Variants in PIP5KL1 observed in about 807,000 individuals in gnomAD.
PIP5KL1 encodes the protein phosphatidylinositol 4-phosphate 5-kinase-like protein 1.
A neutral mutation model predicts 47.6 loss-of-function variants in PIP5KL1; 45 were observed. That is an observed-to-expected ratio of 0.94 (90% confidence interval 0.74 to 1.21). The LOEUF (loss-of-function observed/expected upper bound fraction) is 1.21, where lower values mean the gene tolerates loss of function less well. Among genes scored for constraint, PIP5KL1 ranks in the 50% most tolerant of loss-of-function variants. PIP5KL1 has a pLI of 0.00. For missense variants in PIP5KL1, 577 were observed against 547.6 expected, an observed-to-expected ratio of 1.05 and a Z score of -0.54; for synonymous variants, 256 against 234.6, an observed-to-expected ratio of 1.09 and a Z score of -0.84.
Position 127,922,108 on chromosome 9 carries a change from C to T in PIP5KL1, c.924G>A (p.Val308=). ...SSLIFRTARS[V]QGAQSPEESR... ...ACTCTTCCGGGCTCTGTGCCCCTTGCACAGACCTGGGGGCCGACAGGAGGG... is the reference window on the plus strand; with the variant it reads ...ACTCTTCCGGGCTCTGTGCCCCTTGTACAGACCTGGGGGCCGACAGGAGGG... The change falls in exon 10 of 10, where the codon GTG becomes GTA. Residue 308 remains valine, a synonymous_variant. Transcript: ENST00000388747. 1 of 1,522,534 alleles carries T rather than the reference C, an allele frequency of 6.6e-7. No homozygotes were observed. The highest frequency in any genetic ancestry group is 8.8e-7 in the Non-Finnish European group (1 of 1,133,766). 94.3% of individuals were successfully genotyped at this position (1,522,534 alleles called of 1,614,324 possible).
At position 127,927,799 on chromosome 9, in the gene PIP5KL1, G is replaced by A; in HGVS notation, c.435-27C>T. The stretch of plus-strand genomic sequence containing the variant: ...TGGGGGGCAAGAGAAAGAGGTCACT[G>A]CCCAGGCCTGGCTGGAGCGGCTCCC... On this transcript the variant is annotated intron_variant, in intron 4 of 9. Coordinates refer to ENST00000388747, the MANE Select transcript of PIP5KL1 (RefSeq NM_001135219.2). The surrounding 1 kb of genome is among the most constrained non-coding windows in gnomAD (Gnocchi z 5.5). 1.9e-6 allele frequency: 3 copies of A among 1,551,250 alleles called. No individual in the cohort carries two copies. The highest frequency in any genetic ancestry group is 1.7e-6 in the Non-Finnish European group (2 of 1,149,578).
chr9:127,922,411 T>A (rs913152441), intron 9 of PIP5KL1, among the ~76,000 whole-genome samples: 1 of 150,664 alleles, frequency 6.6e-6, no homozygotes, highest in Non-Finnish European at 1.5e-5. Flanking sequence ...AAAAAAAGGA[T>A]GTAAGGCTGG....
intron 7 of PIP5KL1, among the ~76,000 whole-genome samples, chr9:127,926,864 G>A (rs1211465720): frequency 6.6e-6 from 1 of 152,234 alleles, no homozygotes. Flanking sequence ...CATGTTAGCT[G>A]TGTGGCCTTC....
intron 7 of PIP5KL1, among the ~76,000 whole-genome samples, chr9:127,926,257 C>A (rs1471073797): frequency 7.1e-6 from 1 of 140,312 alleles, no homozygotes; most frequent in Non-Finnish European, 1.5e-5. Context: ...TGGAGTCTCA[C>A]CTGTTTCTTT....
intron 1 of PIP5KL1, 138 bp downstream of exon 1, chr9:127,930,585 G>A (rs930986683): frequency 2.8e-6 from 3 of 1,089,336 alleles, no homozygotes; most frequent in Non-Finnish European, 2.5e-6. Context: ...CCCCGTGTGG[G>A]GCGTGTCCTG....
Position 127,929,661 on chromosome 9 carries a change from G to A in PIP5KL1, c.228+27C>T. Reference sequence around the variant, plus strand: ...CAAGTCTTGCCATTGCTGGTGTGGAGATTCGTGGGACAGATGGGCCACTCA... The same window carrying A: ...CAAGTCTTGCCATTGCTGGTGTGGAAATTCGTGGGACAGATGGGCCACTCA... On this transcript the variant is annotated intron_variant, in intron 2 of 9. Coordinates refer to ENST00000388747, the MANE Select transcript of PIP5KL1 (RefSeq NM_001135219.2). This position sits in a 1 kb window ranked among gnomAD's most constrained non-coding sequence, Gnocchi z 4.0. The A allele has an allele frequency of 6.6e-7, 1 of 1,521,600 alleles. No individual in the cohort carries two copies. Among genetic ancestry groups the A allele is most frequent in the Non-Finnish European group, 8.9e-7 (1 of 1,124,754 alleles). 94.3% of individuals were successfully genotyped at this position (1,521,600 alleles called of 1,614,324 possible).
chr9:127,929,885 C>T lies in PIP5KL1; in HGVS notation c.31G>A (p.Val11Ile). 3 of 1,525,168 alleles carry T rather than the reference C, an allele frequency of 2.0e-6. No individual in the cohort carries two copies. Among genetic ancestry groups the T allele is most frequent in the South Asian group, 2.4e-5 (2 of 83,352 alleles). 94.5% of individuals were successfully genotyped at this position (1,525,168 alleles called of 1,614,324 possible). The part of the protein sequence containing the change: MAAPSPGPRE[V>I]LAPSPEAGCR... ...CCAGCCTCAGGGGAGGGGGCCAGGA[C>T]CTGGTGGGAGGAGGCACAGGACACA... is the stretch of plus-strand genomic sequence containing the variant. The change falls in exon 2 of 10, where the codon GTC becomes ATC. Residue 11 changes from valine to isoleucine, a missense_variant and splice_region_variant. Coordinates refer to ENST00000388747, the MANE Select transcript of PIP5KL1 (RefSeq NM_001135219.2). The surrounding 1 kb of genome is among the most constrained non-coding windows in gnomAD (Gnocchi z 4.0).
intron 2 of PIP5KL1, 161 bp from the exon 3 acceptor site, chr9:127,928,644 T>G (rs56125253): frequency 0.043 from 31,964 of 741,034 alleles, 900 homozygotes; most frequent in Middle Eastern, 0.07. Context: ...GTTGGGCAGA[T>G]GCATTGCTCA....
rs1831289737 is a variant in PIP5KL1 at position 127,922,027 on chromosome 9, C to T, written c.1005G>A (p.Leu335=). 6.3e-7 allele frequency: 1 copy of T among 1,575,300 alleles called. No individual in the cohort carries two copies. Among genetic ancestry groups the T allele is most frequent in the Non-Finnish European group, 8.6e-7 (1 of 1,161,734 alleles). ...GGAAATAGCGCTGCTCGGGCCCGTC[C>T]AGGATGTGTAGGGCGTTGGGGGCGT... ...LPDAPNALHI[L]DGPEQRYFLG... is the part of the protein sequence containing the mutation. The change falls in exon 10 of 10, where the codon CTG becomes CTA. Residue 335 remains leucine, a synonymous_variant. Transcript: ENST00000388747.
At chr9:127,925,440 C>T (rs1831348402) in intron 8 of PIP5KL1, 180 bp from the exon 9 acceptor site, 3 of 634,904 alleles carry the variant, frequency 4.7e-6, no homozygotes, top group Non-Finnish European at 7.9e-6. Flanking sequence ...TTGAACTCTG[C>T]TCTGCCTGAT....
At chr9:127,924,909 CAT>C (rs1208316809) in intron 9 of PIP5KL1, among the ~76,000 whole-genome samples, 196 bp downstream of exon 9, 1 of 151,910 alleles carries the variant, frequency 6.6e-6, no homozygotes, top group Non-Finnish European at 1.5e-5. Flanking sequence ...CACCCACACA[CAT>C]GCACGCACAC....
Position 127,929,772 on chromosome 9 carries a change from C to A in PIP5KL1, c.144G>T (p.Pro48=), listed in dbSNP as rs770399159. 5 of 1,568,578 alleles carry A rather than the reference C, an allele frequency of 3.2e-6. No individual in the cohort carries two copies. Among genetic ancestry groups the A allele is most frequent in the Non-Finnish European group, 4.3e-6 (5 of 1,156,824 alleles). Reference sequence around the variant, plus strand: ...ACGTCATCCCATGCAGTTCATGCCCCGGGCTGATCTCAAACAGGCCCAGGC... The same window carrying A: ...ACGTCATCCCATGCAGTTCATGCCCAGGGCTGATCTCAAACAGGCCCAGGC... ...QSRLGLFEIS[P]GHELHGMTCM... Residue 48 remains proline (P), a synonymous_variant, in exon 2 of 10, where the codon CCG becomes CCT. Transcript: ENST00000388747. This position sits in a 1 kb window ranked among gnomAD's most constrained non-coding sequence, Gnocchi z 4.0.
chr9:127,925,611 G>A (rs1419286647), intron 8 of PIP5KL1: 4 of 508,848 alleles, frequency 7.9e-6, no homozygotes, highest in Non-Finnish European at 1.4e-5. Context: ...GATTATAGGC[G>A]GGTACCACCA....
intron 1 of PIP5KL1, 62 bp downstream of exon 1, chr9:127,930,661 G>T: frequency 6.8e-7 from 1 of 1,465,972 alleles, no homozygotes; most frequent in Non-Finnish European, 9.1e-7. Context: ...CTCGCCGAGG[G>T]GAGGCCCGGC....
At position 127,929,772 on chromosome 9, in the gene PIP5KL1, C is replaced by T. The variant is rs770399159; in HGVS notation, c.144G>A (p.Pro48=). The change falls in exon 2 of 10, where the codon CCG becomes CCA. Residue 48 remains proline, a synonymous_variant. Transcript: ENST00000388747. The surrounding 1 kb of genome is among the most constrained non-coding windows in gnomAD (Gnocchi z 4.0). ...ACGTCATCCCATGCAGTTCATGCCCCGGGCTGATCTCAAACAGGCCCAGGC... is the reference window on the plus strand; with the variant it reads ...ACGTCATCCCATGCAGTTCATGCCCTGGGCTGATCTCAAACAGGCCCAGGC... ...QSRLGLFEIS[P]GHELHGMTCM... The T allele has an allele frequency of 6.4e-6, 10 of 1,568,578 alleles. No individual in the cohort carries two copies. Among genetic ancestry groups the T allele is most frequent in the East Asian group, 4.7e-5 (2 of 42,254 alleles).
chr9:127,929,666 G>A lies in PIP5KL1; in HGVS notation c.228+22C>T, dbSNP rs1392212593. 4 of 1,530,628 alleles carry A rather than the reference G, an allele frequency of 2.6e-6. No homozygotes were observed. Among genetic ancestry groups the A allele is most frequent in the Admixed American group, 2.0e-5 (1 of 50,112 alleles). 94.8% of individuals were successfully genotyped at this position (1,530,628 alleles called of 1,614,324 possible). On this transcript the variant is annotated intron_variant, in intron 2 of 9. Transcript: ENST00000388747. The surrounding 1 kb of genome is among the most constrained non-coding windows in gnomAD (Gnocchi z 4.0). ...CTTGCCATTGCTGGTGTGGAGATTC[G>A]TGGGACAGATGGGCCACTCACCGTG...
In PIP5KL1 at chr9:127,929,099, T is replaced by C. The variant is rs1432489165; in HGVS notation, c.228+589A>G. Among the ~76,000 whole-genome samples, 1 of 152,196 alleles carries C rather than the reference T, an allele frequency of 6.6e-6. No individual in the cohort carries two copies. The highest frequency in any genetic ancestry group is 1.5e-5 in the Non-Finnish European group (1 of 68,040). On this transcript the variant is annotated intron_variant, in intron 2 of 9. Transcript: ENST00000388747. This position sits in a 1 kb window ranked among gnomAD's most constrained non-coding sequence, Gnocchi z 4.0. ...GCCATGGAAGCTTTTCAGCAGGTGA[T>C]GAGGTCAGTTTGTGATTTAGAGAAC... is the stretch of plus-strand genomic sequence containing the variant.
Position 127,929,627 on chromosome 9 carries a change from G to A in PIP5KL1, c.228+61C>T, listed in dbSNP as rs1239937813. 7.0e-7 allele frequency: 1 copy of A among 1,437,074 alleles called. No homozygotes were observed. Among genetic ancestry groups the A allele is most frequent in the Non-Finnish European group, 9.3e-7 (1 of 1,069,786 alleles). The allele number at this position is 1,437,074 out of a possible 1,614,324, so 89.0% of individuals were successfully genotyped here. ...CACACCTGCAGTTTCAGCCAGACAG[G>A]GCATCAGCCAAGTCTTGCCATTGCT... On this transcript the variant is annotated intron_variant, in intron 2 of 9. Coordinates refer to ENST00000388747, the MANE Select transcript of PIP5KL1 (RefSeq NM_001135219.2). The surrounding 1 kb of genome is among the most constrained non-coding windows in gnomAD (Gnocchi z 4.0).
Position 127,921,189 on chromosome 9 carries a change from G to GA in PIP5KL1, c.*657dup, listed in dbSNP as rs1831275938. On this transcript the variant is annotated 3_prime_UTR_variant, in exon 10 of 10. Coordinates refer to ENST00000388747, the MANE Select transcript of PIP5KL1 (RefSeq NM_001135219.2). ...ACCCTTGCCCCCATTTAACTGATGA[G>GA]AAAAGTGACTTTCAGAGGAGGGCAG... The GA allele has an allele frequency of 1.3e-5, 2 of 152,344 alleles. No individual in the cohort carries two copies. Among genetic ancestry groups the GA allele is most frequent in the African/African-American group, 4.8e-5 (2 of 41,448 alleles). The allele number at this position is 152,344 out of a possible 1,614,324, so 9.4% of individuals were successfully genotyped here.
Sources: allele counts gnomAD v4.1 joint callset (sites outside exome capture counted in the v4.1 genomes callset), GRCh38; gene constraint gnomAD v4.1.1; non-coding constraint Gnocchi (gnomAD v3.1); transcripts MANE v1.5; gene names NCBI Gene and HGNC (gene_info 2026-07-23, HGNC 2026-07-21).